The following AHRR variants were observed in gnomAD, a reference collection of about 807,000 sequenced individuals.
The protein encoded by AHRR is aryl hydrocarbon receptor repressor.
A neutral mutation model predicts 44.0 loss-of-function variants in AHRR; 28 were observed. The ratio of observed to expected loss-of-function variants is 0.64; its 90% CI spans 0.47 to 0.87. The LOEUF is 0.87. Among genes scored for constraint, AHRR ranks in the 40% least tolerant of loss-of-function variants. The pLI is 0.00. For synonymous variants in AHRR, 434 were observed against 407.0 expected (o/e 1.07, Z -0.80); for missense variants, 990 against 953.9 (o/e 1.04, Z -0.50).
chr5:431,907 G>A (rs1038285153), intron 8 of AHRR: 1 of 154,760 alleles, frequency 6.5e-6, no homozygotes, highest in African/African-American at 2.4e-5. Flanking sequence ...GGGCCAGTCA[G>A]ATGGGTTTGA....
chr5:427,614 A>G, intron 7 of AHRR, 193 bp from the exon 8 acceptor site: 1 of 1,612,150 alleles, frequency 6.2e-7, no homozygotes, highest in Non-Finnish European at 8.5e-7. Flanking sequence ...AGGATGATTC[A>G]AGCACATCGA....
intron 4 of AHRR, among the ~76,000 whole-genome samples, chr5:379,961 T>C (rs1733916074): frequency 6.6e-6 from 1 of 152,238 alleles, no homozygotes; most frequent in Non-Finnish European, 1.5e-5. Context: ...TATAGTTTCA[T>C]ATGTTACATT....
Position 413,320 on chromosome 5 carries a change from TTTTTG to T in AHRR, c.352-14_352-10del. ...TTTGGGTGAGCCAATTCGATTTTTTTTTTTGTTTTGTTTTTTCTTCTAGTCTCTTA... is the reference window on the plus strand; with the variant it reads ...TTTGGGTGAGCCAATTCGATTTTTTTTTTTGTTTTTTCTTCTAGTCTCTTA... On this transcript the variant is annotated intron_variant, in intron 4 of 10. Coordinates refer to ENST00000684583, the MANE Select transcript of AHRR (RefSeq NM_001377236.1). The T allele has an allele frequency of 1.3e-6, 2 of 1,551,982 alleles. No homozygotes were observed. The highest frequency in any genetic ancestry group is 1.7e-6 in the Non-Finnish European group (2 of 1,145,908).
intron 7 of AHRR, among the ~76,000 whole-genome samples, chr5:424,239 G>T (rs200459271): frequency 8.3e-3 from 1,113 of 134,200 alleles, no homozygotes; most frequent in Middle Eastern, 0.019. Flanking sequence ...ATGTGTCTCT[G>T]GTGGGGGGGC....
intron 3 of AHRR, among the ~76,000 whole-genome samples, chr5:374,961 G>T (rs1197446032): frequency 6.6e-6 from 1 of 152,248 alleles, no homozygotes; most frequent in East Asian, 1.9e-4. Flanking sequence ...CGCTGGTCCT[G>T]TGGGTCTGGG....
Position 388,227 on chromosome 5 carries a change from G to T in AHRR, c.351+11511G>T, listed in dbSNP as rs1734249055. Among the ~76,000 whole-genome samples, 1 of 152,308 alleles carries T rather than the reference G, an allele frequency of 6.6e-6. No homozygotes were observed. On this transcript the variant is annotated intron_variant, in intron 4 of 10. Transcript: ENST00000684583. The surrounding 1 kb of genome is among the most constrained non-coding windows in gnomAD (Gnocchi z 5.2). The stretch of plus-strand genomic sequence containing the variant: ...TCGTACCAGACAGGGGAAAGCTCAG[G>T]TTGGAAGAGCTCAGGGTTGGGGCAG...
At chr5:432,574 T>C in intron 9 of AHRR, 50 bp downstream of exon 9, 1 of 1,595,894 alleles carries the variant, frequency 6.3e-7, no homozygotes, top group Non-Finnish European at 8.6e-7. Flanking sequence ...TAAAATGTGT[T>C]TCTGCCCTTG....
At chr5:360,848 CTGCTTATAGTGAAA>C (rs1466893535) in intron 3 of AHRR, among the ~76,000 whole-genome samples, 1 of 152,182 alleles carries the variant, frequency 6.6e-6, no homozygotes, top group Non-Finnish European at 1.5e-5. Context: ...CTTCTCCTTA[CTGCTTATAGTGAAA>C]CGTCAGAGGA....
chr5:360,388 A>G (rs1048587242), intron 3 of AHRR, among the ~76,000 whole-genome samples: 1 of 152,216 alleles, frequency 6.6e-6, no homozygotes, highest in African/African-American at 2.4e-5. Context: ...GTTTATTATA[A>G]GCAGCCCAGG....
At position 433,877 on chromosome 5, in the gene AHRR, G is replaced by A. The variant is rs894863177; in HGVS notation, c.1137G>A (p.Arg379=). ...GGGACAGGGAGGAGGAGCAGCACAG[G>A]ATGCTGAGCAGGGCCTCTGGAGTGA... ...GSGDREEEQH[R]MLSRASGVTG... The change falls in exon 11 of 11, where the codon AGG becomes AGA. Residue 379 remains arginine, a synonymous_variant. Coordinates refer to ENST00000684583, the MANE Select transcript of AHRR (RefSeq NM_001377236.1). The A allele has an allele frequency of 6.6e-7, 1 of 1,507,898 alleles. No homozygotes were observed. Among genetic ancestry groups the A allele is most frequent in the Non-Finnish European group, 8.8e-7 (1 of 1,131,084 alleles). 93.4% of individuals were successfully genotyped at this position (1,507,898 alleles called of 1,614,324 possible).
rs751727128 is a variant in AHRR at position 423,917 on chromosome 5, C to G, written c.648C>G (p.Phe216Leu). The G allele has an allele frequency of 2.5e-6, 4 of 1,603,634 alleles. No homozygotes were observed. Among genetic ancestry groups the G allele is most frequent in the Non-Finnish European group, 3.4e-6 (4 of 1,179,934 alleles). Residue 216 changes from phenylalanine (F) to leucine (L), a missense_variant, in exon 7 of 11, where the codon TTC becomes TTG. Coordinates refer to ENST00000684583, the MANE Select transcript of AHRR (RefSeq NM_001377236.1). ...GTGTPTEYSA[F>L]LTRCFICRVR... ...GCACGCCCACCGAGTACTCGGCCTT[C>G]CTGACCCGCTGCTTCATCTGCCGTG... is the stretch of plus-strand genomic sequence containing the variant.
At chr5:412,697 A>G (rs1360204967) in intron 4 of AHRR, among the ~76,000 whole-genome samples, 6 of 150,850 alleles carry the variant, frequency 4.0e-5, no homozygotes, top group South Asian at 2.1e-4. Context: ...GATGAGTTCA[A>G]CATTTTTCTC....
intron 5 of AHRR, chr5:421,245 C>T: frequency 1.4e-6 from 1 of 695,014 alleles, no homozygotes; most frequent in South Asian, 1.5e-5. Context: ...CCCCGCGGTT[C>T]AGCCACGGAG....
intron 5 of AHRR, among the ~76,000 whole-genome samples, chr5:414,613 C>G (rs971593569): frequency 6.6e-6 from 1 of 152,220 alleles, no homozygotes; most frequent in African/African-American, 2.4e-5. Flanking sequence ...GGTAAACAAA[C>G]CGTGCTTCCT....
At position 370,906 on chromosome 5, in the gene AHRR, C is replaced by T. The variant is rs1387520372; in HGVS notation, c.245-5704C>T. Among the ~76,000 whole-genome samples, 2 of 151,976 alleles carry T rather than the reference C, an allele frequency of 1.3e-5. No homozygotes were observed. The highest frequency in any genetic ancestry group is 2.1e-4 in the South Asian group (1 of 4,792). Reference sequence around the variant, plus strand: ...CTGGTGTGGAGCTCTCGGCCGACCTCGGGCCGGGCTTTACAGGGCATGTCA... The same window carrying T: ...CTGGTGTGGAGCTCTCGGCCGACCTTGGGCCGGGCTTTACAGGGCATGTCA... On this transcript the variant is annotated intron_variant, in intron 3 of 10. Coordinates refer to ENST00000684583, the MANE Select transcript of AHRR (RefSeq NM_001377236.1). This position sits in a 1 kb window ranked among gnomAD's most constrained non-coding sequence, Gnocchi z 4.5.
intron 3 of AHRR, among the ~76,000 whole-genome samples, chr5:373,538 C>G (rs1743651356): frequency 6.6e-6 from 1 of 152,216 alleles, no homozygotes; most frequent in East Asian, 1.9e-4. Context: ...AAGGACACCG[C>G]GCTCCCAGCT....
Position 387,324 on chromosome 5 carries a change from T to C in AHRR, c.351+10608T>C, listed in dbSNP as rs965509071. ...GAGAAAGACGATGTTTCTCTTGGGG[T>C]CATAGCTGCCATTCCTGCTGCATGG... On this transcript the variant is annotated intron_variant, in intron 4 of 10. Transcript: ENST00000684583. The surrounding 1 kb of genome is among the most constrained non-coding windows in gnomAD (Gnocchi z 5.1). 6.6e-6 allele frequency among the ~76,000 whole-genome samples: 1 copy of C among 152,140 alleles called. No individual in the cohort carries two copies. The highest frequency in any genetic ancestry group is 2.4e-5 in the African/African-American group (1 of 41,428).
At chr5:431,324 C>T (rs1038853310) in intron 8 of AHRR, among the ~76,000 whole-genome samples, 5 of 152,224 alleles carry the variant, frequency 3.3e-5, no homozygotes, top group Non-Finnish European at 1.5e-5. Flanking sequence ...ATAAAGCTGG[C>T]ACACAACTTC....
At chr5:416,010 C>T (rs1211795092) in intron 5 of AHRR, among the ~76,000 whole-genome samples, 1 of 152,218 alleles carries the variant, frequency 6.6e-6, no homozygotes, top group African/African-American at 2.4e-5. Flanking sequence ...CACGTGACTG[C>T]CGGGCCCATT....
Sources: allele counts gnomAD v4.1 joint callset (sites outside exome capture counted in the v4.1 genomes callset), GRCh38; gene constraint gnomAD v4.1.1; non-coding constraint Gnocchi (gnomAD v3.1); transcripts MANE v1.5; gene names NCBI Gene and HGNC (gene_info 2026-07-23, HGNC 2026-07-21).